The following ARFRP1 variants were observed in gnomAD, a reference collection of about 807,000 sequenced individuals.
ARFRP1 encodes ARF related protein 1.
In ARFRP1, 19 loss-of-function variants were observed where a neutral mutation model predicts 30.3. That is an observed-to-expected ratio of 0.63 (90% CI 0.44 to 0.92). The LOEUF is 0.92. ARFRP1 is among the 40% of genes least tolerant of loss of function. ARFRP1 has a pLI of 0.00. For missense variants in ARFRP1, 245 were observed against 267.5 expected (o/e 0.92, Z 0.59); for synonymous variants, 133 against 114.2 (o/e 1.16, Z -1.05).
At position 63,706,449 on chromosome 20, in the gene ARFRP1, G is replaced by T. The variant is rs746798202; in HGVS notation, c.182-10C>A. ...ACATCCACAGTGCCGACTGGGGAGA[G>T]GAGGAAACAGGCAAGGCTCATGACC... On this transcript the variant is annotated splice_polypyrimidine_tract_variant and intron_variant, in intron 3 of 7. Transcript: ENST00000622789. The T allele has an allele frequency of 1.5e-5, 24 of 1,612,630 alleles. No individual in the cohort carries two copies. The highest frequency in any genetic ancestry group is 1.8e-5 in the Non-Finnish European group (21 of 1,179,474).
Position 63,700,487 on chromosome 20 carries a change from C to A in ARFRP1, c.562G>T (p.Val188Leu). The A allele has an allele frequency of 6.2e-7, 1 of 1,610,458 alleles. No homozygotes were observed. Among genetic ancestry groups the A allele is most frequent in the East Asian group, 2.2e-5 (1 of 44,874 alleles). The part of the protein sequence containing the change: ...EGIEWMVKCV[V>L]RNVHRPPRQR... ...CGCGGCGGCCGGTGCACATTCCGCA[C>A]GACACACTTCACCATCCACTCGATG... Residue 188 changes from valine to leucine, a missense_variant, in exon 8 of 8, where the codon GTG becomes TTG. Physicochemically the swap from Val to Leu is conservative, Grantham distance 32 (BLOSUM62 1). Coordinates refer to ENST00000622789, the MANE Select transcript of ARFRP1 (RefSeq NM_001267547.3).
Position 63,698,652 on chromosome 20 carries a change from T to C in ARFRP1, c.*1791A>G. 7.5e-7 allele frequency: 1 copy of C among 1,330,928 alleles called. No homozygotes were observed. 82.4% of individuals were successfully genotyped at this position (1,330,928 alleles called of 1,614,324 possible). ...TTTAAATAGAAGAAATGAGGTTTCT[T>C]AAAGCTTATTTTTATAAAGCTTTTT... On this transcript the variant is annotated 3_prime_UTR_variant, in exon 8 of 8. Transcript: ENST00000622789.
rs1211172449 is a variant in ARFRP1, at chr20:63,700,679, G to C, written c.441C>G (p.Ile147Met). 3 of 1,610,862 alleles carry C rather than the reference G, an allele frequency of 1.9e-6. No homozygotes were observed. The highest frequency in any genetic ancestry group is 8.5e-7 in the Non-Finnish European group (1 of 1,179,894). Residue 147 changes from isoleucine to methionine, a missense_variant, in exon 7 of 8, where the codon ATC becomes ATG. By Grantham distance (10) the Ile-to-Met change is conservative. Coordinates refer to ENST00000622789, the MANE Select transcript of ARFRP1 (RefSeq NM_001267547.3). Reference sequence around the variant, plus strand: ...TGGTGCAGTCGCTGAAGGCCGTCTTGATGTCAGGGATTGAGAGGCACGTCT... The same window carrying C: ...TGGTGCAGTCGCTGAAGGCCGTCTTCATGTCAGGGATTGAGAGGCACGTCT... ...DVETCLSIPD[I>M]KTAFSDCTSK...
chr20:63,707,294 C>G (rs910670461), intron 1 of ARFRP1, 197 bp from the exon 2 acceptor site: 6 of 581,800 alleles, frequency 1.0e-5, no homozygotes, highest in Non-Finnish European at 1.5e-5. Context: ...GTGTCCTGCT[C>G]ACAGCAATGA....
At position 63,698,722 on chromosome 20, in the gene ARFRP1, G is replaced by A. The variant is rs900272890; in HGVS notation, c.*1721C>T. 5 of 910,538 alleles carry A rather than the reference G, an allele frequency of 5.5e-6. No homozygotes were observed. Among genetic ancestry groups the A allele is most frequent in the Non-Finnish European group, 7.6e-6 (5 of 658,708 alleles). 56.4% of individuals were successfully genotyped at this position (910,538 alleles called of 1,614,324 possible). ...GCACAGCTACTGGGAGGGCAGCCGG[G>A]GACACCTGAGCCGCCCGCTGTGCCC... On this transcript the variant is annotated 3_prime_UTR_variant, in exon 8 of 8. Transcript: ENST00000622789.
At chr20:63,702,557 C>T (rs1460561588) in intron 4 of ARFRP1, 1 of 340,936 alleles carries the variant, frequency 2.9e-6, no homozygotes, top group Non-Finnish European at 5.6e-6. Context: ...CACGGCCAAC[C>T]TGGGCAACAC....
At chr20:63,707,328 C>A (rs895055091) in intron 1 of ARFRP1, 6 of 503,462 alleles carry the variant, frequency 1.2e-5, no homozygotes, top group African/African-American at 1.9e-5. Context: ...GCATACACAT[C>A]GGTTCCGGCC....
chr20:63,701,492 A>G (rs562092347), intron 6 of ARFRP1: 2 of 488,226 alleles, frequency 4.1e-6, no homozygotes, highest in African/African-American at 3.9e-5. Context: ...GGGCCCCAGC[A>G]TCACTTCTTT....
intron 4 of ARFRP1, 138 bp from the exon 5 acceptor site, chr20:63,702,355 T>G: frequency 1.3e-6 from 1 of 769,662 alleles, no homozygotes; most frequent in Non-Finnish European, 2.1e-6. Context: ...AAGACCCTTC[T>G]GGGATGCATT....
At chr20:63,707,288 C>G in intron 1 of ARFRP1, 191 bp from the exon 2 acceptor site, 1 of 591,812 alleles carries the variant, frequency 1.7e-6, no homozygotes, top group East Asian at 2.8e-5. Context: ...GCCACTGTGT[C>G]CTGCTCACAG....
At chr20:63,701,977 A>G in intron 5 of ARFRP1, 77 bp from the exon 6 acceptor site, 4 of 1,272,412 alleles carry the variant, frequency 3.1e-6, no homozygotes, top group South Asian at 2.6e-5. Context: ...AGGCGTGGAC[A>G]CTGTGACAGC....
In ARFRP1 at chr20:63,700,172, A is replaced by C. The variant is rs2091126602; in HGVS notation, c.*271T>G. 2.1e-6 allele frequency: 1 copy of C among 474,402 alleles called. No individual in the cohort carries two copies. The highest frequency in any genetic ancestry group is 3.9e-6 in the Non-Finnish European group (1 of 258,210). 29.4% of individuals were successfully genotyped at this position (474,402 alleles called of 1,614,324 possible). A position where few individuals can be genotyped will look rare whatever the true frequency, so the allele number is the denominator to read the frequency against. ...CAACCAGGTCTCCCTCAGACCCCCC[A>C]GAAAGGGCCTCGAAAGGCCGCCGCT... On this transcript the variant is annotated 3_prime_UTR_variant, in exon 8 of 8. Transcript: ENST00000622789.
At chr20:63,700,855 T>A (rs1316231470) in intron 6 of ARFRP1, 153 bp from the exon 7 acceptor site, 2 of 1,036,524 alleles carry the variant, frequency 1.9e-6, no homozygotes, top group Non-Finnish European at 2.8e-6. Flanking sequence ...ACCACAGCAG[T>A]GAGGACCCTG....
At chr20:63,704,338 T>A (rs927649300) in intron 4 of ARFRP1, 1 of 152,272 alleles carries the variant, frequency 6.6e-6, no homozygotes, top group Non-Finnish European at 1.5e-5. Context: ...GAGCAGCACA[T>A]ACTCAGCAGA....
chr20:63,701,851 C>T lies in ARFRP1; in HGVS notation c.396G>A (p.Leu132=). 3 of 1,550,512 alleles carry T rather than the reference C, an allele frequency of 1.9e-6. No individual in the cohort carries two copies. The highest frequency in any genetic ancestry group is 2.6e-6 in the Non-Finnish European group (3 of 1,147,078). ...EALCGVPVLV[L]ANKQDVETCL... is the part of the protein sequence containing the mutation. ...TCACCTCCACATCCTGCTTGTTGGC[C>T]AGCACCAAGACGGGGACACCGCACA... Residue 132 remains leucine, a synonymous_variant, in exon 6 of 8, where the codon CTG becomes CTA. Coordinates refer to ENST00000622789, the MANE Select transcript of ARFRP1 (RefSeq NM_001267547.3).
Position 63,700,262 on chromosome 20 carries a change from A to G in ARFRP1, c.*181T>C, listed in dbSNP as rs1012329733. ...GCCGGGCTGCCAGACTCCCCTCCAA[A>G]GCCTCCGGATGCCTACGCTTTTCCA... On this transcript the variant is annotated 3_prime_UTR_variant, in exon 8 of 8. Coordinates refer to ENST00000622789, the MANE Select transcript of ARFRP1 (RefSeq NM_001267547.3). 17 of 931,168 alleles carry G rather than the reference A, an allele frequency of 1.8e-5. No homozygotes were observed. Among genetic ancestry groups the G allele is most frequent in the Admixed American group, 2.7e-5 (1 of 37,552 alleles). The allele number at this position is 931,168 out of a possible 1,614,324, so 57.7% of individuals were successfully genotyped here.
intron 6 of ARFRP1, 92 bp downstream of exon 6, chr20:63,701,738 G>A (rs904141749): frequency 4.2e-5 from 52 of 1,224,178 alleles, no homozygotes; most frequent in Non-Finnish European, 5.9e-5. Context: ...CAGTCACTGG[G>A]CCTGGGGTGT....
Position 63,706,669 on chromosome 20 carries a change from T to C in ARFRP1, c.163A>G (p.Thr55Ala), listed in dbSNP as rs758076846. ...YKGMSLSKITTTVGLNIGTVD... is the reference protein window; with the variant it reads ...YKGMSLSKITATVGLNIGTVD... ...CCCTTACTGTTTAGGCCCACGGTGGTGGTGATTTTGGATAGACTCATCCCC... is the reference window on the plus strand; with the variant it reads ...CCCTTACTGTTTAGGCCCACGGTGGCGGTGATTTTGGATAGACTCATCCCC... Residue 55 changes from threonine (T) to alanine (A), a missense_variant, in exon 3 of 8, where the codon ACC (threonine) becomes GCC (alanine). Physicochemically the swap from Thr to Ala is moderately conservative, Grantham distance 58. Coordinates refer to ENST00000622789, the MANE Select transcript of ARFRP1 (RefSeq NM_001267547.3). 46 of 1,613,116 alleles carry C rather than the reference T, an allele frequency of 2.9e-5. No homozygotes were observed. The highest frequency in any genetic ancestry group is 3.8e-5 in the Non-Finnish European group (45 of 1,179,204).
intron 5 of ARFRP1, 103 bp from the exon 6 acceptor site, chr20:63,702,003 C>CA (rs759229746): frequency 7.5e-6 from 5 of 669,424 alleles, no homozygotes; most frequent in Admixed American, 3.5e-5. Context: ...CCTCTGCCCC[C>CA]CCCCCCCCCG....
Sources: allele counts gnomAD v4.1 joint callset, GRCh38; gene constraint gnomAD v4.1.1; transcripts MANE v1.5; gene names NCBI Gene and HGNC (gene_info 2026-07-23, HGNC 2026-07-21).